Variants in ZNF273 observed in about 807,000 individuals in gnomAD.
The protein encoded by ZNF273 is zinc finger protein 9.
Under a neutral mutation model 14.9 loss-of-function variants are expected in ZNF273, and 11 were observed. The ratio of observed to expected loss-of-function variants is 0.74; its 90% confidence interval spans 0.46 to 1.22. The LOEUF is 1.22. ZNF273 is among the 50% of genes most tolerant of loss of function. ZNF273 has a pLI of 0.00. For missense variants in ZNF273, 577 were observed against 660.6 expected, an observed-to-expected ratio of 0.87 and a Z score of 1.39; for synonymous variants, 199 against 223.9, an observed-to-expected ratio of 0.89 and a Z score of 0.99.
chr7:64,911,422 C>G (rs1442633445), intron 1 of ZNF273, among the ~76,000 whole-genome samples: 4 of 151,972 alleles, frequency 2.6e-5, no homozygotes. Context: ...CGCCACCATG[C>G]CTGGCTAATT....
chr7:64,891,280 A>C (rs1055947006), downstream of ZNF273, among the ~76,000 whole-genome samples: 6 of 152,348 alleles, frequency 3.9e-5, no homozygotes, highest in Admixed American at 3.3e-4. Flanking sequence ...CCTCTCTCCC[A>C]GAGTAGCCAC....
the ZNF273 span, among the ~76,000 whole-genome samples, chr7:64,936,325 TA>T: frequency 1.3e-5 from 2 of 152,098 alleles, no homozygotes; most frequent in Non-Finnish European, 2.9e-5. Context: ...ACAGCCCAAT[TA>T]AATTAAGACC....
chr7:64,894,794 T>C (rs918915378), downstream of ZNF273, among the ~76,000 whole-genome samples: 1 of 152,164 alleles, frequency 6.6e-6, no homozygotes, highest in Admixed American at 6.6e-5. Context: ...AAATCTTTCA[T>C]AAATCAAACA....
chr7:64,886,162 T>G (rs767984012), intron 1 of ZNF273, among the ~76,000 whole-genome samples: 2 of 152,180 alleles, frequency 1.3e-5, no homozygotes, highest in Non-Finnish European at 2.9e-5. Flanking sequence ...CAGAGCAGTT[T>G]TGAAGAAGAA....
At position 64,928,801 on chromosome 7, in the gene ZNF273, T is replaced by C; in HGVS notation, c.1473T>C (p.Cys491=). ...TGEKPYKCNE[C]GKAFNWSSTL... is the part of the protein sequence containing the mutation. ...AGAAACCTTACAAATGCAATGAATG[T>C]GGTAAAGCCTTTAACTGGTCCTCAA... The change falls in exon 4 of 4, where the codon TGT becomes TGC. Residue 491 remains cysteine, a synonymous_variant. Coordinates refer to ENST00000476120, the MANE Select transcript of ZNF273 (RefSeq NM_021148.3). 7 of 1,613,860 alleles carry C rather than the reference T, an allele frequency of 4.3e-6. No individual in the cohort carries two copies. The highest frequency in any genetic ancestry group is 1.1e-5 in the South Asian group (1 of 91,066).
upstream of ZNF273, among the ~76,000 whole-genome samples, chr7:64,898,375 T>A (rs1264677904): frequency 6.6e-6 from 1 of 152,162 alleles, no homozygotes; most frequent in African/African-American, 2.4e-5. Flanking sequence ...TTGAGTGTTC[T>A]TCGTTTGAGT....
chr7:64,886,687 G>T (rs887632692), intron 1 of ZNF273, among the ~76,000 whole-genome samples: 1 of 152,176 alleles, frequency 6.6e-6, no homozygotes, highest in African/African-American at 2.4e-5. Context: ...AGACCAAGGT[G>T]GTGAAGGATC....
At chr7:64,922,613 G>A (rs1794552392) in intron 3 of ZNF273, among the ~76,000 whole-genome samples, 1 of 151,788 alleles carries the variant, frequency 6.6e-6, no homozygotes, top group African/African-American at 2.4e-5. Context: ...TGCCTGACTA[G>A]TTTCTTTGTA....
chr7:64,928,296 G>A lies in ZNF273; in HGVS notation c.968G>A (p.Cys323Tyr), dbSNP rs761536267. 2 of 1,612,922 alleles carry A rather than the reference G, an allele frequency of 1.2e-6. No homozygotes were observed. Among genetic ancestry groups the A allele is most frequent in the African/African-American group, 1.3e-5 (1 of 74,946 alleles). Reference protein sequence around the residue: ...TGTKPYNCEECGKGFSIFSTL... With the variant: ...TGTKPYNCEEYGKGFSIFSTL... Reference sequence around the variant, plus strand: ...ACAAAACCCTACAATTGTGAAGAATGTGGCAAAGGCTTTAGTATATTCTCA... The same window carrying A: ...ACAAAACCCTACAATTGTGAAGAATATGGCAAAGGCTTTAGTATATTCTCA... The change falls in exon 4 of 4, where the codon TGT (cysteine) becomes TAT (tyrosine). Residue 323 changes from cysteine to tyrosine, a missense_variant. Around this residue, in one of 3 missense-constraint regions of ZNF273, gnomAD observed 411 missense variants for 440.4 expected, o/e 0.93. Transcript: ENST00000476120.
At chr7:64,898,744 T>TC, upstream of ZNF273, among the ~76,000 whole-genome samples, 2 of 152,198 alleles carry the variant, frequency 1.3e-5, no homozygotes, top group Non-Finnish European at 2.9e-5. Context: ...GAAATTGGTA[T>TC]CTCTGTAAGC....
At chr7:64,878,029 GGTGT>G (rs898129834) in intron 1 of ZNF273, among the ~76,000 whole-genome samples, 13 of 152,072 alleles carry the variant, frequency 8.5e-5, no homozygotes, top group Non-Finnish European at 1.8e-4. Flanking sequence ...TGTCGGTGTG[GGTGT>G]GTGTGTGTTT....
intron 3 of ZNF273, among the ~76,000 whole-genome samples, chr7:64,925,965 A>G (rs62455580): frequency 6.8e-6 from 1 of 147,072 alleles, no homozygotes; most frequent in African/African-American, 2.5e-5. Context: ...ATGTATTTTC[A>G]TATGATTATG....
downstream of ZNF273, among the ~76,000 whole-genome samples, chr7:64,883,217 C>A (rs1168708719): frequency 1.4e-5 from 2 of 143,508 alleles, no homozygotes; most frequent in African/African-American, 2.5e-5. Flanking sequence ...AATCACCACC[C>A]CCCCCTCACC....
At chr7:64,907,379 C>T (rs1287725718) in intron 1 of ZNF273, among the ~76,000 whole-genome samples, 1 of 152,100 alleles carries the variant, frequency 6.6e-6, no homozygotes, top group African/African-American at 2.4e-5. Context: ...TTTCTTGGTC[C>T]TATACATTTC....
chr7:64,903,533 C>G lies in ZNF273; in HGVS notation c.102+114C>G, dbSNP rs907274887. On this transcript the variant is annotated intron_variant, in intron 1 of 3. Coordinates refer to ENST00000476120, the MANE Select transcript of ZNF273 (RefSeq NM_021148.3). Reference sequence around the variant, plus strand: ...TGCAGTAGACTCCAAAATCCGCGGCCAGGAGTTCTCCTTGGCGCAGCTCGG... The same window carrying G: ...TGCAGTAGACTCCAAAATCCGCGGCGAGGAGTTCTCCTTGGCGCAGCTCGG... 1.0e-5 allele frequency: 11 copies of G among 1,078,226 alleles called. No individual in the cohort carries two copies. In the African/African-American group the frequency reaches 1.7e-4, roughly 17 times the overall value. 66.8% of individuals were successfully genotyped at this position (1,078,226 alleles called of 1,614,324 possible). A position where few individuals can be genotyped will look rare whatever the true frequency, so the allele number is the denominator to read the frequency against.
chr7:64,884,171 T>G (rs1791443566), downstream of ZNF273, among the ~76,000 whole-genome samples: 1 of 152,204 alleles, frequency 6.6e-6, no homozygotes, highest in African/African-American at 2.4e-5. Context: ...GATCTTTTGC[T>G]TGCCAGGGAT....
chr7:64,886,660 T>C (rs1356531774), intron 1 of ZNF273, among the ~76,000 whole-genome samples: 1 of 152,142 alleles, frequency 6.6e-6, no homozygotes, highest in Non-Finnish European at 1.5e-5. Flanking sequence ...ATCTCCATAG[T>C]ACAATTGAGG....
upstream of ZNF273, among the ~76,000 whole-genome samples, chr7:64,898,919 T>C (rs17840403): frequency 0.057 from 8,703 of 152,274 alleles, 753 homozygotes; most frequent in African/African-American, 0.19. Context: ...TCCCCATAAG[T>C]TTTCTACAAT....
chr7:64,905,256 C>T (rs1029505145), intron 1 of ZNF273, among the ~76,000 whole-genome samples: 6 of 151,342 alleles, frequency 4.0e-5, no homozygotes, highest in Non-Finnish European at 7.4e-5. Flanking sequence ...GCTGGGATTA[C>T]AAGTGCACGC....
Sources: allele counts gnomAD v4.1 joint callset (sites outside exome capture counted in the v4.1 genomes callset), GRCh38; gene constraint gnomAD v4.1.1; regional missense constraint gnomAD v4.1.1; transcripts MANE v1.5; gene names NCBI Gene and HGNC (gene_info 2026-07-23, HGNC 2026-07-21).